Variants in POLR1C observed in about 807,000 individuals in gnomAD.
The protein encoded by POLR1C is DNA-directed RNA polymerases I and III subunit RPAC1.
POLR1C carries 42 observed loss-of-function variants against 38.3 expected under a neutral mutation model. The ratio of observed to expected loss-of-function variants is 1.10; its 90% CI spans 0.86 to 1.42. POLR1C has a LOEUF of 1.42. Ranked by LOEUF, POLR1C falls within the 40% of genes most tolerant of loss-of-function variation. The pLI, the probability that POLR1C is intolerant of heterozygous loss-of-function variation, is 0.00. For synonymous variants in POLR1C, 163 were observed against 163.9 expected (o/e 0.99, Z 0.04); for missense variants, 507 against 450.5 (o/e 1.13, Z -1.14).
intron 9 of POLR1C, chr6:43,539,297 T>G: frequency 6.5e-7 from 1 of 1,544,848 alleles, no homozygotes; most frequent in Non-Finnish European, 8.8e-7. Flanking sequence ...CAGACCGACG[T>G]GGCCACTGTA....
chr6:43,522,492 C>T, downstream of POLR1C: 1 of 202,772 alleles, frequency 4.9e-6, no homozygotes, highest in South Asian at 6.0e-5. Context: ...CTCCACAGCC[C>T]CAACCAGACA....
chr6:43,539,794 A>T (rs1030501069), intron 9 of POLR1C: 3 of 563,300 alleles, frequency 5.3e-6, no homozygotes, highest in African/African-American at 3.8e-5. Context: ...AAGGTCTGGG[A>T]GAACTCCCAT....
Position 43,521,503 on chromosome 6 carries a change from A to C in POLR1C, c.*203A>C. 1 of 1,343,514 alleles carries C rather than the reference A, an allele frequency of 7.4e-7. No homozygotes were observed. Among genetic ancestry groups the C allele is most frequent in the Non-Finnish European group, 9.6e-7 (1 of 1,042,936 alleles). 83.2% of individuals were successfully genotyped at this position (1,343,514 alleles called of 1,614,324 possible). A position where few individuals can be genotyped will look rare whatever the true frequency, so the allele number is the denominator to read the frequency against. On this transcript the variant is annotated 3_prime_UTR_variant, in exon 9 of 9. Transcript: ENST00000642195. Reference sequence around the variant, plus strand: ...GCCTTAGATGTAAATAAACTCACCCAAACAAAAAAACTTTTTGAGACTACT... The same window carrying C: ...GCCTTAGATGTAAATAAACTCACCCCAACAAAAAAACTTTTTGAGACTACT...
chr6:43,541,834 G>A (rs1794710910), intron 9 of POLR1C, among the ~76,000 whole-genome samples: 2 of 152,316 alleles, frequency 1.3e-5, no homozygotes, highest in Admixed American at 6.5e-5. Flanking sequence ...CTGGAGTGCA[G>A]TGGCACGATC....
In POLR1C at chr6:43,526,714, T is replaced by G. The variant is rs776080943; in HGVS notation, c.923-2535T>G. 2 of 1,613,920 alleles carry G rather than the reference T, an allele frequency of 1.2e-6. No individual in the cohort carries two copies. The highest frequency in any genetic ancestry group is 2.2e-5 in the South Asian group (2 of 91,060). The stretch of plus-strand genomic sequence containing the variant: ...TCCATCTGCTGGGGGAGCACTACTG[T>G]GGTCAGCACCCTTCTTTGAAACACA... On this transcript the variant is annotated intron_variant, in intron 8 of 8. Coordinates refer to the POLR1C transcript ENST00000304004.
downstream of POLR1C, chr6:43,531,488 T>C (rs1050980975): frequency 1.2e-6 from 2 of 1,613,334 alleles, no homozygotes; most frequent in Non-Finnish European, 1.7e-6. Context: ...CCAGTTTTCA[T>C]AGAGGGTAGA....
chr6:43,553,463 G>A (rs372948162), intron 10 of POLR1C: 21 of 1,575,576 alleles, frequency 1.3e-5, no homozygotes, highest in South Asian at 7.0e-5. Flanking sequence ...GTGAGAAGAC[G>A]GAACAGAGGC....
intron 9 of POLR1C, chr6:43,549,897 C>T: frequency 6.2e-7 from 1 of 1,610,842 alleles, no homozygotes; most frequent in Non-Finnish European, 8.5e-7. Context: ...TCTTACCTTA[C>T]TTTCTTCAAC....
rs773817948 is a variant in POLR1C, at chr6:43,517,142, G to T, written c.33G>T (p.Arg11=). Residue 11 remains arginine, a synonymous_variant, in exon 1 of 9, where the codon CGG becomes CGT. Coordinates refer to ENST00000642195, the MANE Select transcript of POLR1C (RefSeq NM_203290.4). ...CTTCTCAGGCGGTGGAGGAAATGCGGAGCCGCGTGGTTCTGGGGGAGTTTG... is the reference window on the plus strand; with the variant it reads ...CTTCTCAGGCGGTGGAGGAAATGCGTAGCCGCGTGGTTCTGGGGGAGTTTG... The part of the protein sequence containing the change: MAASQAVEEM[R]SRVVLGEFGV... 1.2e-6 allele frequency: 2 copies of T among 1,614,044 alleles called. No individual in the cohort carries two copies. The highest frequency in any genetic ancestry group is 1.3e-5 in the African/African-American group (1 of 74,912).
At chr6:43,525,271 G>GTGTA, downstream of POLR1C, 2 of 1,481,074 alleles carry the variant, frequency 1.4e-6, no homozygotes, top group Non-Finnish European at 9.2e-7. Context: ...TTTCTCTGAT[G>GTGTA]ATTATTACAC....
At chr6:43,552,872 A>T (rs1291760311) in intron 10 of POLR1C, among the ~76,000 whole-genome samples, 1 of 152,074 alleles carries the variant, frequency 6.6e-6, no homozygotes, top group Non-Finnish European at 1.5e-5. Context: ...ATGTATACTA[A>T]ATGTGGTAGT....
At chr6:43,554,897 A>G (rs1761966096) in intron 10 of POLR1C, 1 of 149,662 alleles carries the variant, frequency 6.7e-6, no homozygotes, top group Non-Finnish European at 1.5e-5. Flanking sequence ...AGCCAGTAGT[A>G]TGGTGCTTTT....
chr6:43,547,191 T>C (rs1004055146), intron 9 of POLR1C: 1 of 354,066 alleles, frequency 2.8e-6, no homozygotes, highest in African/African-American at 2.1e-5. Context: ...TAATGGGACT[T>C]GTGCCATAAT....
intron 9 of POLR1C, chr6:43,539,608 G>T: frequency 7.2e-7 from 1 of 1,381,656 alleles, no homozygotes. Context: ...GGCCCCGGAT[G>T]CCACTGGCGA....
At chr6:43,558,490 A>T (rs369997570) in intron 10 of POLR1C, 1 of 1,585,410 alleles carries the variant, frequency 6.3e-7, no homozygotes, top group Non-Finnish European at 8.6e-7. Context: ...TCCAAGGCCA[A>T]CATCACTTAC....
intron 8 of POLR1C, among the ~76,000 whole-genome samples, chr6:43,528,603 A>T (rs1793747260): frequency 6.6e-6 from 1 of 152,104 alleles, no homozygotes; most frequent in Non-Finnish European, 1.5e-5. Context: ...GGAGGTTAGG[A>T]GCAGAATCTG....
chr6:43,519,681 T>G lies in POLR1C; in HGVS notation c.250-25T>G, dbSNP rs781140347. ...AGGGGGTCTGTTGGGTTTTTGCAGA[T>G]AAGTGGTTATTTTTCCTTGGGCAGG... On this transcript the variant is annotated intron_variant, in intron 3 of 8. Transcript: ENST00000642195. The G allele has an allele frequency of 1.9e-6, 3 of 1,614,152 alleles. No homozygotes were observed. In the Admixed American group the frequency reaches 5.0e-5, roughly 27 times the overall value.
At chr6:43,553,645 A>T (rs917582479) in intron 10 of POLR1C, 1 of 1,403,836 alleles carries the variant, frequency 7.1e-7, no homozygotes, top group South Asian at 1.6e-5. Context: ...GGGTAATCTA[A>T]CCCCTCTCAG....
chr6:43,522,092 G>A (rs185860429), downstream of POLR1C, among the ~76,000 whole-genome samples: 3 of 152,314 alleles, frequency 2.0e-5, no homozygotes, highest in Admixed American at 1.3e-4. Flanking sequence ...AAGAACAGTA[G>A]CAATTCCTGT....
Sources: allele counts gnomAD v4.1 joint callset (sites outside exome capture counted in the v4.1 genomes callset), GRCh38; gene constraint gnomAD v4.1.1; transcripts MANE v1.5; gene names NCBI Gene and HGNC (gene_info 2026-07-23, HGNC 2026-07-21).